CDC14C: variants seen among roughly 807,000 people sequenced by gnomAD.
CDC14C encodes cell division cycle 14C.
CDC14C carries 19 observed loss-of-function variants against 26.9 expected under a neutral mutation model. The observed-to-expected ratio is 0.71, with a 90% CI of 0.49 to 1.04. The LOEUF (loss-of-function observed/expected upper bound fraction) is 1.04. CDC14C is among the 50% of genes least tolerant of loss of function. The pLI is 0.00. For missense variants in CDC14C, 423 were observed against 520.0 expected (o/e 0.81, Z 1.81); for synonymous variants, 185 against 180.1 (o/e 1.03, Z -0.22).
chr7:48,926,305 G>T lies in CDC14C; in HGVS notation c.*289G>T, dbSNP rs948908130. ...GGTGCAAGCAAATGTACCAAGACCA[G>T]CTCAGTCAGGGAGACCCTACCCCAG... On this transcript the variant is annotated 3_prime_UTR_variant, in exon 1 of 1. Coordinates refer to ENST00000650262, the MANE Select transcript of CDC14C (RefSeq NM_152627.3). Among the ~76,000 whole-genome samples, 17 of 144,304 alleles carry T rather than the reference G, an allele frequency of 1.2e-4. No individual in the cohort carries two copies. The highest frequency in any genetic ancestry group is 2.1e-4 in the Non-Finnish European group (14 of 65,924). The allele number at this position is 144,304 out of a possible 152,430, so 94.7% of individuals were successfully genotyped here.
rs753105769 is a variant in CDC14C at position 48,925,317 on chromosome 7, C to T, written c.645C>T (p.Pro215=). Residue 215 remains proline (P), a synonymous_variant, in exon 1 of 1, where the codon CCC becomes CCT. Coordinates refer to ENST00000650262, the MANE Select transcript of CDC14C (RefSeq NM_152627.3). ...RLESGYHQHS[P]ETYIQYFKNH... ...AAAGTGGTTACCACCAACATTCTCC[C>T]GAGACTTATATTCAATATTTTAAGA... The T allele has an allele frequency of 6.4e-5, 103 of 1,603,570 alleles. No homozygotes were observed. Among genetic ancestry groups the T allele is most frequent in the Middle Eastern group, 1.7e-4 (1 of 6,050 alleles).
At position 48,926,653 on chromosome 7, in the gene CDC14C, G is replaced by T. The variant is rs1403955073; in HGVS notation, c.*637G>T. On this transcript the variant is annotated 3_prime_UTR_variant, in exon 1 of 1. Transcript: ENST00000650262. ...TTAAGCAGTTTTCCACTCTGGGCTGGGTGGGCCAGGTGTTCCTTGCCCTCA... is the reference window on the plus strand; with the variant it reads ...TTAAGCAGTTTTCCACTCTGGGCTGTGTGGGCCAGGTGTTCCTTGCCCTCA... Among the ~76,000 whole-genome samples, 1 of 151,936 alleles carries T rather than the reference G, an allele frequency of 6.6e-6. No homozygotes were observed. Among genetic ancestry groups the T allele is most frequent in the Non-Finnish European group, 1.5e-5 (1 of 68,006 alleles).
chr7:48,924,589 C>A lies in CDC14C; in HGVS notation c.-84C>A. The stretch of plus-strand genomic sequence containing the variant: ...ACTGGCCGCGGCGGCCTCCAGGAAG[C>A]GGAAAAGCAAGGGGCGGTCGAGCTG... On this transcript the variant is annotated 5_prime_UTR_variant, in exon 1 of 1. Transcript: ENST00000650262. The A allele has an allele frequency of 1.2e-6, 1 of 816,458 alleles. No individual in the cohort carries two copies. Among genetic ancestry groups the A allele is most frequent in the East Asian group, 2.6e-5 (1 of 38,768 alleles). 50.6% of individuals were successfully genotyped at this position (816,458 alleles called of 1,614,324 possible). A position where few individuals can be genotyped will look rare whatever the true frequency, so the allele number is the denominator to read the frequency against.
rs190940569 is a variant in CDC14C at position 48,924,720 on chromosome 7, C to T, written c.48C>T (p.Asp16=). 64 of 1,334,972 alleles carry T rather than the reference C, an allele frequency of 4.8e-5. No individual in the cohort carries two copies. The African/African-American group carries it at 7.1e-4, about 15-fold the overall frequency. The allele number at this position is 1,334,972 out of a possible 1,614,324, so 82.7% of individuals were successfully genotyped here. The change falls in exon 1 of 1, where the codon GAC becomes GAT. Residue 16 remains aspartate (D), a synonymous_variant. Coordinates refer to ENST00000650262, the MANE Select transcript of CDC14C (RefSeq NM_152627.3). ...ACCCGCGCCGCCGGGACCCCCAGGA[C>T]GACGTGTACGTGGACATCACCGATC... ...LQDPRRRDPQ[D]DVYVDITDRL...
chr7:48,924,637 C>G lies in CDC14C; in HGVS notation c.-36C>G. On this transcript the variant is annotated 5_prime_UTR_variant, in exon 1 of 1. Coordinates refer to ENST00000650262, the MANE Select transcript of CDC14C (RefSeq NM_152627.3). The stretch of plus-strand genomic sequence containing the variant: ...CTGGGCCGCCGCGCCCCACTGCTCG[C>G]CGCGCTGCTCTTTGACCTCGCAGGG... 9.5e-7 allele frequency: 1 copy of G among 1,047,320 alleles called. No homozygotes were observed. Among genetic ancestry groups the G allele is most frequent in the Non-Finnish European group, 1.5e-6 (1 of 672,772 alleles). 64.9% of individuals were successfully genotyped at this position (1,047,320 alleles called of 1,614,324 possible). A position where few individuals can be genotyped will look rare whatever the true frequency, so the allele number is the denominator to read the frequency against.
At position 48,926,054 on chromosome 7, in the gene CDC14C, C is replaced by G; in HGVS notation, c.*38C>G. 1 of 733,760 alleles carries G rather than the reference C, an allele frequency of 1.4e-6. No individual in the cohort carries two copies. The highest frequency in any genetic ancestry group is 1.9e-5 in the Admixed American group (1 of 52,166). The allele number at this position is 733,760 out of a possible 1,614,324, so 45.5% of individuals were successfully genotyped here. ...AGAACATAGTAGCCATCAGGACCCC[C>G]TGACAGATAGCTGCTTCTCTCCATT... is the stretch of plus-strand genomic sequence containing the variant. On this transcript the variant is annotated 3_prime_UTR_variant, in exon 1 of 1. Transcript: ENST00000650262.
At position 48,926,192 on chromosome 7, in the gene CDC14C, AT is replaced by A. The variant is rs1798885731; in HGVS notation, c.*178del. On this transcript the variant is annotated 3_prime_UTR_variant, in exon 1 of 1. Coordinates refer to ENST00000650262, the MANE Select transcript of CDC14C (RefSeq NM_152627.3). Reference sequence around the variant, plus strand: ...TAGCACAATTTGAAAACAAAACAAAATTGCAAAAGACTTAGTTGCTTTCCAC... The same window carrying A: ...TAGCACAATTTGAAAACAAAACAAAATGCAAAAGACTTAGTTGCTTTCCAC... 6.9e-6 allele frequency among the ~76,000 whole-genome samples: 1 copy of A among 145,842 alleles called. No homozygotes were observed. The highest frequency in any genetic ancestry group is 2.2e-4 in the East Asian group (1 of 4,620).
rs1798898548 is a variant in CDC14C, at chr7:48,926,750, T to A, written c.*734T>A. On this transcript the variant is annotated 3_prime_UTR_variant, in exon 1 of 1. Transcript: ENST00000650262. ...GAACATGTTACAGTGCTGCAGAGAT[T>A]TTATTTATGGCCAGTTTTGGGGCCA... 6.6e-6 allele frequency among the ~76,000 whole-genome samples: 1 copy of A among 151,520 alleles called. No individual in the cohort carries two copies. The highest frequency in any genetic ancestry group is 1.5e-5 in the Non-Finnish European group (1 of 67,938).
chr7:48,927,438 A>T lies in CDC14C; in HGVS notation c.*1422A>T, dbSNP rs946164585. Among the ~76,000 whole-genome samples the T allele has an allele frequency of 6.6e-6, 1 of 152,110 alleles. No individual in the cohort carries two copies. Among genetic ancestry groups the T allele is most frequent in the African/African-American group, 2.4e-5 (1 of 41,428 alleles). On this transcript the variant is annotated 3_prime_UTR_variant, in exon 1 of 1. Transcript: ENST00000650262. ...GTTGCCAGTCATACAAATTAAAATC[A>T]TATTTCCTTCCATGCATGGAAAAAA...
In CDC14C at chr7:48,925,998, T is replaced by C; in HGVS notation, c.1326T>C (p.Leu442=). The C allele has an allele frequency of 1.3e-6, 1 of 751,302 alleles. No individual in the cohort carries two copies. The highest frequency in any genetic ancestry group is 2.5e-6 in the Non-Finnish European group (1 of 402,380). The allele number at this position is 751,302 out of a possible 1,614,324, so 46.5% of individuals were successfully genotyped here. ...GGTGGATTGTTTGTGACTACATTCT[T>C]CCCATCCTGCTATTCTGACTCAAAG... The part of the protein sequence containing the change: ...VIWWIVCDYI[L]PILLF Residue 442 remains leucine, a synonymous_variant, in exon 1 of 1, where the codon CTT becomes CTC. Transcript: ENST00000650262.
chr7:48,926,030 G>A lies in CDC14C; in HGVS notation c.*14G>A. On this transcript the variant is annotated 3_prime_UTR_variant, in exon 1 of 1. Coordinates refer to ENST00000650262, the MANE Select transcript of CDC14C (RefSeq NM_152627.3). ...CTGCTATTCTGACTCAAAGATTTCA[G>A]AACATAGTAGCCATCAGGACCCCCT... The A allele has an allele frequency of 1.3e-6, 1 of 742,526 alleles. No individual in the cohort carries two copies. The highest frequency in any genetic ancestry group is 1.4e-5 in the South Asian group (1 of 69,972). The allele number at this position is 742,526 out of a possible 1,614,324, so 46.0% of individuals were successfully genotyped here.
chr7:48,924,828 T>C lies in CDC14C; in HGVS notation c.156T>C (p.Tyr52=), dbSNP rs750835605. 7.5e-7 allele frequency: 1 copy of C among 1,325,868 alleles called. No individual in the cohort carries two copies. Among genetic ancestry groups the C allele is most frequent in the South Asian group, 1.2e-5 (1 of 85,254 alleles). The allele number at this position is 1,325,868 out of a possible 1,614,324, so 82.1% of individuals were successfully genotyped here. Residue 52 remains tyrosine, a synonymous_variant, in exon 1 of 1, where the codon TAT becomes TAC. Transcript: ENST00000650262. ...TCAGCATAGATAATGAACTCGAATA[T>C]GAGAACTTCTCCGAAGACTTTGGAC... ...HYFSIDNELE[Y]ENFSEDFGPL...
chr7:48,925,035 A>G lies in CDC14C; in HGVS notation c.363A>G (p.Ala121=), dbSNP rs762401896. Residue 121 remains alanine (A), a synonymous_variant, in exon 1 of 1, where the codon GCA becomes GCG. Coordinates refer to ENST00000650262, the MANE Select transcript of CDC14C (RefSeq NM_152627.3). ...VIYLGRTPEA[A]YRILIFGDTP... The stretch of plus-strand genomic sequence containing the variant: ...ACTTGGGGAGAACCCCAGAAGCAGC[A>G]TATAGAATATTAATCTTTGGAGATA... 1.4e-6 allele frequency: 2 copies of G among 1,427,032 alleles called. No individual in the cohort carries two copies. The highest frequency in any genetic ancestry group is 2.3e-5 in the South Asian group (2 of 87,116). The allele number at this position is 1,427,032 out of a possible 1,614,324, so 88.4% of individuals were successfully genotyped here.
In CDC14C at chr7:48,924,852, A is replaced by G. The variant is rs768523459; in HGVS notation, c.180A>G (p.Gly60=). Reference sequence around the variant, plus strand: ...ATGAGAACTTCTCCGAAGACTTTGGACCACTCAATCTGGCAATGGTTTACA... The same window carrying G: ...ATGAGAACTTCTCCGAAGACTTTGGGCCACTCAATCTGGCAATGGTTTACA... ...LEYENFSEDF[G]PLNLAMVYRY... Residue 60 remains glycine, a synonymous_variant, in exon 1 of 1, where the codon GGA becomes GGG. Transcript: ENST00000650262. 8 of 1,417,436 alleles carry G rather than the reference A, an allele frequency of 5.6e-6. No homozygotes were observed. The highest frequency in any genetic ancestry group is 3.4e-5 in the Admixed American group (2 of 59,662). 87.8% of individuals were successfully genotyped at this position (1,417,436 alleles called of 1,614,324 possible).
chr7:48,924,839 C>G lies in CDC14C; in HGVS notation c.167C>G (p.Ser56Cys). 1 of 1,365,016 alleles carries G rather than the reference C, an allele frequency of 7.3e-7. No individual in the cohort carries two copies. The highest frequency in any genetic ancestry group is 1.0e-6 in the Non-Finnish European group (1 of 952,682). 84.6% of individuals were successfully genotyped at this position (1,365,016 alleles called of 1,614,324 possible). ...AATGAACTCGAATATGAGAACTTCT[C>G]CGAAGACTTTGGACCACTCAATCTG... ...IDNELEYENF[S>C]EDFGPLNLAM... Residue 56 changes from serine to cysteine, a missense_variant, in exon 1 of 1, where the codon TCC becomes TGC. By Grantham distance (112) the Ser-to-Cys change is moderately radical. Transcript: ENST00000650262.
chr7:48,925,800 GAATC>G lies in CDC14C; in HGVS notation c.1131_1134del (p.Asn377LysfsTer18). 1.1e-6 allele frequency: 1 copy of G among 885,004 alleles called. No homozygotes were observed. The highest frequency in any genetic ancestry group is 1.3e-5 in the South Asian group (1 of 76,384). The allele number at this position is 885,004 out of a possible 1,614,324, so 54.8% of individuals were successfully genotyped here. A position where few individuals can be genotyped will look rare whatever the true frequency, so the allele number is the denominator to read the frequency against. ...ATGACATTTCCATAAATGGGGTCGA[GAATC>G]AAGACCAGCAAGAACCCAAACCTTA... On this transcript the variant is annotated frameshift_variant, in exon 1 of 1. Coordinates refer to ENST00000650262, the MANE Select transcript of CDC14C (RefSeq NM_152627.3). LOFTEE classifies it high-confidence loss of function.
In CDC14C at chr7:48,926,146, A is replaced by G; in HGVS notation, c.*130A>G. ...CCAGAACTGAAGGAAGACTCTAGGAACTGAAAACTGCAACAGAAATTAGCA... is the reference window on the plus strand; with the variant it reads ...CCAGAACTGAAGGAAGACTCTAGGAGCTGAAAACTGCAACAGAAATTAGCA... On this transcript the variant is annotated 3_prime_UTR_variant, in exon 1 of 1. Transcript: ENST00000650262. 1.6e-6 allele frequency: 1 copy of G among 614,816 alleles called. No individual in the cohort carries two copies. Among genetic ancestry groups the G allele is most frequent in the Non-Finnish European group, 3.0e-6 (1 of 336,150 alleles). 38.1% of individuals were successfully genotyped at this position (614,816 alleles called of 1,614,324 possible). A position where few individuals can be genotyped will look rare whatever the true frequency, so the allele number is the denominator to read the frequency against.
rs138369742 is a variant in CDC14C, at chr7:48,926,840, C to G, written c.*824C>G. Among the ~76,000 whole-genome samples the G allele has an allele frequency of 0.018, 2,781 of 152,066 alleles. 93 individuals carry two copies. Among genetic ancestry groups the G allele is most frequent in the African/African-American group, 0.062 (2,558 of 41,422 alleles). On this transcript the variant is annotated 3_prime_UTR_variant, in exon 1 of 1. Coordinates refer to ENST00000650262, the MANE Select transcript of CDC14C (RefSeq NM_152627.3). ...ATGACTCAAAGAAAGGCCCAGCTCTCAAGCTGAATGACAAAAATGCTGTTG... is the reference window on the plus strand; with the variant it reads ...ATGACTCAAAGAAAGGCCCAGCTCTGAAGCTGAATGACAAAAATGCTGTTG...
rs533656914 is a variant in CDC14C at position 48,926,371 on chromosome 7, A to C, written c.*355A>C. ...TAAAGACACACACACAGAAATACAG[A>C]GGTGTAAAGTGGGAAATCAGGGGTC... On this transcript the variant is annotated 3_prime_UTR_variant, in exon 1 of 1. Coordinates refer to ENST00000650262, the MANE Select transcript of CDC14C (RefSeq NM_152627.3). Among the ~76,000 whole-genome samples the C allele has an allele frequency of 1.6e-3, 234 of 150,872 alleles. No homozygotes were observed. The highest frequency in any genetic ancestry group is 5.3e-3 in the African/African-American group (217 of 41,012).
Sources: allele counts gnomAD v4.1 joint callset (sites outside exome capture counted in the v4.1 genomes callset), GRCh38; gene constraint gnomAD v4.1.1; transcripts MANE v1.5; gene names NCBI Gene and HGNC (gene_info 2026-07-23, HGNC 2026-07-21).